The following LINGO2 variants were observed in gnomAD, a reference collection of about 807,000 sequenced individuals.
LINGO2 encodes the protein leucine-rich repeat and immunoglobulin-like domain-containing nogo receptor-interacting protein 2.
A neutral mutation model predicts 30.6 loss-of-function variants in LINGO2; 14 were observed. The observed-to-expected ratio is 0.46, with a 90% CI of 0.30 to 0.72. LINGO2 has a LOEUF of 0.72. Ranked by LOEUF, LINGO2 falls within the 30% of genes least tolerant of loss-of-function variation. The pLI, the probability that LINGO2 is intolerant of heterozygous loss-of-function variation, is 0.07. For missense variants in LINGO2, 729 were observed against 751.7 expected (o/e 0.97, Z 0.35); for synonymous variants, 317 against 288.5 (o/e 1.10, Z -1.00).
chr9:28,007,407 A>G (rs1822320343), intron 5 of LINGO2, among the ~76,000 whole-genome samples: 1 of 152,188 alleles, frequency 6.6e-6, no homozygotes, highest in Admixed American at 6.6e-5. Flanking sequence ...AGTACCAAGT[A>G]AAGGCTTACT....
At chr9:29,179,849 C>T in the LINGO2 span, among the ~76,000 whole-genome samples, 2 of 152,116 alleles carry the variant, frequency 1.3e-5, no homozygotes. Context: ...AAAGTTGGCC[C>T]TTGGCAAAAC....
At position 28,346,282 on chromosome 9, in the gene LINGO2, T is replaced by TA. The variant is rs1169389165; in HGVS notation, c.-246+26553dup. ...GTGTTCTCATCATTTAGCTCCTACT[T>TA]ATATGTGAGAAAATGTGGTATTCAT... On this transcript the variant is annotated intron_variant, in intron 3 of 5. Transcript: ENST00000379992. Among the ~76,000 whole-genome samples the TA allele has an allele frequency of 2.6e-5, 4 of 152,118 alleles. No individual in the cohort carries two copies. The East Asian group carries it at 5.8e-4, about 22-fold the overall frequency.
intron 2 of LINGO2, among the ~76,000 whole-genome samples, chr9:28,457,611 C>T (rs1309655176): frequency 6.6e-6 from 1 of 151,770 alleles, no homozygotes; most frequent in African/African-American, 2.4e-5. Context: ...AAAAAAAAAC[C>T]CTAAGAGATG....
rs1178945436 is a variant in LINGO2, at chr9:28,140,087, C to G, written c.-86-127682G>C. Among the ~76,000 whole-genome samples, 7 of 152,162 alleles carry G rather than the reference C, an allele frequency of 4.6e-5. No individual in the cohort carries two copies. The East Asian group carries it at 1.3e-3, about 29-fold the overall frequency. ...CTCCAGCAAAACAAAACCTTAATGT[C>G]CCATCTAAGCCAGGCTAAATCTTAA... is the stretch of plus-strand genomic sequence containing the variant. On this transcript the variant is annotated intron_variant, in intron 4 of 5. Transcript: ENST00000379992.
At chr9:27,993,948 A>G (rs773472002) in intron 5 of LINGO2, among the ~76,000 whole-genome samples, 1 of 152,042 alleles carries the variant, frequency 6.6e-6, no homozygotes, top group Non-Finnish European at 1.5e-5. Context: ...TCAAAATCTT[A>G]TTACGTGTCT....
Position 28,055,647 on chromosome 9 carries a change from AGTTT to A in LINGO2, c.-86-43246_-86-43243del, listed in dbSNP as rs531218915. ...ACATAAAAACGGCGTCTTGCTATTA[AGTTT>A]GTTAGGTTTGCTAGATTGTCAAAAA... is the stretch of plus-strand genomic sequence containing the variant. On this transcript the variant is annotated intron_variant, in intron 4 of 5. Coordinates refer to ENST00000379992, the Ensembl canonical transcript of LINGO2. Among the ~76,000 whole-genome samples the A allele has an allele frequency of 1.2e-4, 18 of 151,554 alleles. 1 individual carries two copies. The East Asian group carries it at 2.5e-3, about 21-fold the overall frequency.
intron 2 of LINGO2, among the ~76,000 whole-genome samples, chr9:28,462,241 T>G (rs959749915): frequency 1.3e-5 from 2 of 152,002 alleles, no homozygotes; most frequent in Admixed American, 1.3e-4. Context: ...TGTTAGTAAC[T>G]GTTGCAGAAT....
chr9:28,468,980 A>T (rs1227542766), intron 2 of LINGO2, among the ~76,000 whole-genome samples: 3 of 152,216 alleles, frequency 2.0e-5, no homozygotes, highest in African/African-American at 7.2e-5. Context: ...CACACACATC[A>T]GCCTCACTAG....
At chr9:28,964,222 G>C in the LINGO2 span, among the ~76,000 whole-genome samples, 9 of 151,832 alleles carry the variant, frequency 5.9e-5, no homozygotes, top group African/African-American at 2.2e-4. Context: ...ATATGAACTA[G>C]ATTATATGAA....
At chr9:28,892,237 A>T in the LINGO2 span, among the ~76,000 whole-genome samples, 3 of 151,980 alleles carry the variant, frequency 2.0e-5, no homozygotes, top group African/African-American at 7.2e-5. Flanking sequence ...ACTGAGCTCT[A>T]AGAGGTCAAG....
chr9:29,074,138 A>G, the LINGO2 span, among the ~76,000 whole-genome samples: 1 of 152,158 alleles, frequency 6.6e-6, no homozygotes, highest in East Asian at 1.9e-4. Flanking sequence ...GTAGCCTTAT[A>G]TTTTAACAAG....
intron 3 of LINGO2, among the ~76,000 whole-genome samples, chr9:28,300,224 T>G (rs1442408770): frequency 6.6e-6 from 1 of 152,030 alleles, no homozygotes; most frequent in East Asian, 1.9e-4. Flanking sequence ...CACATCAGTG[T>G]TTTGCTGATG....
the LINGO2 span, among the ~76,000 whole-genome samples, chr9:29,127,744 G>T: frequency 6.6e-6 from 1 of 152,090 alleles, no homozygotes. Context: ...CAACTGCCCT[G>T]CATGGAAAGG....
chr9:28,173,721 GTAT>G (rs1828665843), intron 4 of LINGO2, among the ~76,000 whole-genome samples: 1 of 152,216 alleles, frequency 6.6e-6, no homozygotes, highest in Non-Finnish European at 1.5e-5. Context: ...TTCACTGTGT[GTAT>G]AATTAGTGAG....
chr9:28,065,953 T>C (rs890124004), intron 4 of LINGO2, among the ~76,000 whole-genome samples: 2 of 151,984 alleles, frequency 1.3e-5, no homozygotes, highest in Non-Finnish European at 2.9e-5. Context: ...CATACACACA[T>C]GCATATAATG....
the LINGO2 span, among the ~76,000 whole-genome samples, chr9:28,763,882 G>T: frequency 2.6e-5 from 4 of 151,750 alleles, no homozygotes; most frequent in African/African-American, 7.3e-5. Flanking sequence ...GATCATAAGA[G>T]ATCTCTCATA....
At chr9:28,451,365 C>T (rs1248988879) in intron 2 of LINGO2, among the ~76,000 whole-genome samples, 1 of 151,760 alleles carries the variant, frequency 6.6e-6, no homozygotes, top group African/African-American at 2.4e-5. Flanking sequence ...TATAGTCTAA[C>T]ACCAGGAAAA....
chr9:29,167,257 T>A, the LINGO2 span, among the ~76,000 whole-genome samples: 2 of 152,078 alleles, frequency 1.3e-5, no homozygotes, highest in African/African-American at 4.8e-5. Context: ...AACTTTAACA[T>A]AATAAGTATC....
intron 1 of LINGO2, among the ~76,000 whole-genome samples, chr9:28,636,066 C>T (rs1370337470): frequency 6.6e-6 from 1 of 152,010 alleles, no homozygotes; most frequent in Non-Finnish European, 1.5e-5. Context: ...TGAGTGAGAA[C>T]ATGCAGTCTT....
Sources: allele counts gnomAD v4.1 joint callset (sites outside exome capture counted in the v4.1 genomes callset), GRCh38; gene constraint gnomAD v4.1.1; transcripts MANE v1.5; gene names NCBI Gene and HGNC (gene_info 2026-07-23, HGNC 2026-07-21).